The following TPP2 variants were observed in gnomAD, a reference collection of about 807,000 sequenced individuals.
The protein encoded by TPP2 is tripeptidyl-peptidase 2.
TPP2 carries 34 observed loss-of-function variants against 155.9 expected under a neutral mutation model. The observed-to-expected ratio is 0.22, with a 90% confidence interval of 0.17 to 0.29. TPP2 has a LOEUF of 0.29. Ranked by LOEUF, TPP2 falls within the 10% of genes least tolerant of loss-of-function variation. The pLI, the probability that TPP2 is intolerant of heterozygous loss-of-function variation, is 1.00. For missense variants in TPP2, 1,028 were observed against 1,522.3 expected (o/e 0.68, Z 5.40); for synonymous variants, 510 against 529.4 (o/e 0.96, Z 0.50).
chr13:102,661,990 A>G (rs1884259507), intron 25 of TPP2, among the ~76,000 whole-genome samples: 1 of 152,232 alleles, frequency 6.6e-6, no homozygotes, highest in Admixed American at 6.5e-5. Context: ...TTATAGCAGC[A>G]TTATTCATAA....
In TPP2 at chr13:102,657,115, CA is replaced by C; in HGVS notation, c.3054del (p.Asp1019IlefsTer12). 1 of 1,584,376 alleles carries C rather than the reference CA, an allele frequency of 6.3e-7. No individual in the cohort carries two copies. Among genetic ancestry groups the C allele is most frequent in the Non-Finnish European group, 8.6e-7 (1 of 1,169,226 alleles). On this transcript the variant is annotated frameshift_variant, in exon 25 of 30. Transcript: ENST00000376052. LOFTEE classifies it high-confidence loss of function. ...PPPTKTKNGS[K>X]DKEKDSEKEK... is the part of the protein sequence containing the mutation. ...CACCAACAAAGACTAAGAATGGCAG[CA>C]AAGATAAGGAAAAAGATTCAGAAAA...
intron 3 of TPP2, among the ~76,000 whole-genome samples, chr13:102,615,607 A>T (rs973604958): frequency 2.0e-5 from 3 of 152,208 alleles, no homozygotes; most frequent in African/African-American, 7.2e-5. Context: ...TTTCAGTGAC[A>T]TAGAACCCTA....
chr13:102,678,422 C>G lies in TPP2; in HGVS notation c.*106C>G. ...TCTAATGCATGTTTTCATCCACTAT[C>G]CAGTACTGATTATTAAAATGACATG... On this transcript the variant is annotated 3_prime_UTR_variant, in exon 30 of 30. Coordinates refer to ENST00000376052, the MANE Select transcript of TPP2 (RefSeq NM_001330588.2). The G allele has an allele frequency of 3.5e-6, 3 of 850,192 alleles. No homozygotes were observed. Among genetic ancestry groups the G allele is most frequent in the Non-Finnish European group, 5.6e-6 (3 of 537,758 alleles). 52.7% of individuals were successfully genotyped at this position (850,192 alleles called of 1,614,324 possible). A position where few individuals can be genotyped will look rare whatever the true frequency, so the allele number is the denominator to read the frequency against.
chr13:102,652,141 C>T (rs1453396937), intron 24 of TPP2, among the ~76,000 whole-genome samples: 2 of 152,012 alleles, frequency 1.3e-5, no homozygotes, highest in African/African-American at 4.8e-5. Context: ...TTTGGGAGGG[C>T]AAGTTGGGCA....
chr13:102,652,397 C>T (rs1268731464), intron 24 of TPP2, among the ~76,000 whole-genome samples: 20 of 125,522 alleles, frequency 1.6e-4, no homozygotes, highest in Admixed American at 5.6e-4. Context: ...AACATACATA[C>T]ATATATATAT....
At chr13:102,664,356 A>T (rs1884449327) in intron 26 of TPP2, among the ~76,000 whole-genome samples, 1 of 152,204 alleles carries the variant, frequency 6.6e-6, no homozygotes, top group Non-Finnish European at 1.5e-5. Context: ...TGTGTTTTTC[A>T]TGATGGATCA....
intron 24 of TPP2, chr13:102,655,079 A>G (rs1595196690): frequency 8.5e-6 from 4 of 472,976 alleles, no homozygotes; most frequent in Admixed American, 4.5e-5. Flanking sequence ...CTACAAATGG[A>G]TTTATATGGT....
chr13:102,627,216 G>A (rs1481468795), intron 7 of TPP2, 50 bp downstream of exon 7: 1 of 1,494,092 alleles, frequency 6.7e-7, no homozygotes, highest in East Asian at 2.4e-5. Context: ...TAATGATCTT[G>A]GATATTTTTA....
intron 25 of TPP2, among the ~76,000 whole-genome samples, chr13:102,657,619 A>G (rs1340236104): frequency 6.6e-6 from 1 of 152,136 alleles, no homozygotes; most frequent in African/African-American, 2.4e-5. Flanking sequence ...ACAGCCGTAT[A>G]AAATACTATT....
chr13:102,667,157 GCT>G (rs1884662689), intron 27 of TPP2, among the ~76,000 whole-genome samples: 1 of 151,972 alleles, frequency 6.6e-6, no homozygotes, highest in African/African-American at 2.4e-5. Context: ...ATGCAAAATT[GCT>G]TTCTCTTAAA....
intron 7 of TPP2, among the ~76,000 whole-genome samples, chr13:102,627,630 G>GT (rs1299211856): frequency 0.011 from 1,182 of 111,080 alleles, 6 homozygotes; most frequent in Non-Finnish European, 0.015. Flanking sequence ...CTAGTTTTTT[G>GT]TTTTTTTTTT....
intron 24 of TPP2, among the ~76,000 whole-genome samples, chr13:102,656,805 G>A (rs1883887716): frequency 6.6e-6 from 1 of 152,160 alleles, no homozygotes; most frequent in African/African-American, 2.4e-5. Context: ...TACTCAAATG[G>A]AGAAAAGTAT....
At chr13:102,643,143 G>C (rs1595179965) in intron 16 of TPP2, 79 bp from the exon 17 acceptor site, 1 of 1,354,034 alleles carries the variant, frequency 7.4e-7, no homozygotes, top group East Asian at 2.6e-5. Context: ...TTATCCCTAA[G>C]TGGGCATTAT....
At chr13:102,615,670 A>G (rs1880663837) in intron 3 of TPP2, among the ~76,000 whole-genome samples, 1 of 152,132 alleles carries the variant, frequency 6.6e-6, no homozygotes, top group African/African-American at 2.4e-5. Flanking sequence ...GGATGCCTGC[A>G]TTGTCTGTCA....
intron 16 of TPP2, among the ~76,000 whole-genome samples, chr13:102,642,546 T>C (rs1211710761): frequency 6.6e-6 from 1 of 152,142 alleles, no homozygotes; most frequent in African/African-American, 2.4e-5. Flanking sequence ...GATTTTGTAT[T>C]CTTAGCAACT....
At chr13:102,630,404 A>G (rs1201753260) in intron 10 of TPP2, among the ~76,000 whole-genome samples, 1 of 152,180 alleles carries the variant, frequency 6.6e-6, no homozygotes, top group Non-Finnish European at 1.5e-5. Context: ...GAACATCACT[A>G]TTCTGAGTAT....
At chr13:102,637,721 T>G (rs905034172) in intron 14 of TPP2, among the ~76,000 whole-genome samples, 2 of 152,166 alleles carry the variant, frequency 1.3e-5, no homozygotes. Flanking sequence ...TGGCTAAATT[T>G]TTTTATTTTT....
At chr13:102,645,193 G>A (rs899357840) in intron 19 of TPP2, among the ~76,000 whole-genome samples, 184 bp downstream of exon 19, 4 of 152,070 alleles carry the variant, frequency 2.6e-5, no homozygotes, top group African/African-American at 9.7e-5. Flanking sequence ...TGTCCCACCT[G>A]ACCAGCAAAG....
intron 27 of TPP2, among the ~76,000 whole-genome samples, chr13:102,670,288 T>C (rs1339109457): frequency 6.6e-6 from 1 of 151,998 alleles, no homozygotes. Context: ...AATCAGAGAG[T>C]GCTATTTGCA....
Sources: gnomAD v4.1 joint callset for allele counts (sites outside exome capture counted in the v4.1 genomes callset) on GRCh38, gnomAD v4.1.1 for gene constraint, MANE v1.5 for transcripts, NCBI Gene and HGNC (gene_info 2026-07-23, HGNC 2026-07-21) for gene names.